Variants in C2CD3 observed in about 807,000 individuals in gnomAD.
C2CD3 encodes the protein C2 domain containing 3 centriole elongation regulator.
In C2CD3, 148 loss-of-function variants were observed where a neutral mutation model predicts 234.0. That is an observed-to-expected ratio of 0.63 (90% CI 0.55 to 0.72). C2CD3 has a LOEUF of 0.72. Among genes scored for constraint, C2CD3 ranks in the 30% least tolerant of loss-of-function variants. The pLI, the probability that C2CD3 is intolerant of heterozygous loss-of-function variation, is 0.00. For synonymous variants in C2CD3, 1,000 were observed against 1,035.4 expected (o/e 0.97, Z 0.66); for missense variants, 2,577 against 2,811.5 (o/e 0.92, Z 1.89).
intron 7 of C2CD3, 57 bp from the exon 8 acceptor site, chr11:74,123,192 T>C (rs1957279250): frequency 7.5e-7 from 1 of 1,329,950 alleles, no homozygotes; most frequent in Non-Finnish European, 1.1e-6. Context: ...AGCTGAACTA[T>C]TCTCTCTTTA....
chr11:74,161,271 G>A (rs1856444788), intron 3 of C2CD3, 128 bp downstream of exon 3: 3 of 511,776 alleles, frequency 5.9e-6, no homozygotes, highest in Non-Finnish European at 9.9e-6. Context: ...AAAAACATGG[G>A]CAAAGGCATG....
intron 3 of C2CD3, among the ~76,000 whole-genome samples, chr11:74,144,079 T>A (rs1156592479): frequency 6.6e-6 from 1 of 152,080 alleles, no homozygotes; most frequent in Non-Finnish European, 1.5e-5. Flanking sequence ...TACAGTAGAA[T>A]CAAAAGGAAA....
intron 1 of C2CD3, among the ~76,000 whole-genome samples, chr11:74,170,160 G>A (rs1416280133): frequency 6.6e-6 from 1 of 152,054 alleles, no homozygotes; most frequent in Non-Finnish European, 1.5e-5. Context: ...TCAGGAGATC[G>A]TCATGCCCTT....
Position 74,078,257 on chromosome 11 carries a change from C to G in C2CD3, c.4461G>C (p.Glu1487Asp). Residue 1487 changes from glutamate to aspartate, a missense_variant, in exon 23 of 33, where the codon GAG becomes GAC. Transcript: ENST00000334126. ...GCCACACTTGGATCTCTAGCCTCTC[C>G]TCCCTGAAGTACCAAAGCAGTGATG... ...RGPSLLWYFR[E>D]ERLEIQVWRA... The G allele has an allele frequency of 1.9e-6, 3 of 1,614,152 alleles. No homozygotes were observed. The highest frequency in any genetic ancestry group is 2.5e-6 in the Non-Finnish European group (3 of 1,180,022).
chr11:74,037,758 C>T (rs1317346161), intron 29 of C2CD3, 60 bp from the exon 30 acceptor site: 4 of 1,294,652 alleles, frequency 3.1e-6, no homozygotes, highest in Non-Finnish European at 4.4e-6. Context: ...ATGAACATCT[C>T]TTATGTCCCC....
intron 8 of C2CD3, among the ~76,000 whole-genome samples, chr11:74,119,837 T>C (rs1244760613): frequency 1.3e-5 from 2 of 152,094 alleles, no homozygotes; most frequent in Non-Finnish European, 2.9e-5. Context: ...GGTTTCACCA[T>C]GTTGTCCAGG....
chr11:74,168,333 C>T lies in C2CD3; in HGVS notation c.325+11G>A. The stretch of plus-strand genomic sequence containing the variant: ...TACGTCTGCAGGTGCAATGATAAAA[C>T]AATAACATACCTGTTAGATAAGAGG... On this transcript the variant is annotated intron_variant, in intron 2 of 32. Transcript: ENST00000334126. The T allele has an allele frequency of 6.2e-7, 1 of 1,608,926 alleles. No homozygotes were observed. Among genetic ancestry groups the T allele is most frequent in the African/African-American group, 1.3e-5 (1 of 74,950 alleles).
At position 74,133,555 on chromosome 11, in the gene C2CD3, G is replaced by C. The variant is rs142633338; in HGVS notation, c.958C>G (p.Leu320Val). 2.0e-4 allele frequency: 317 copies of C among 1,613,948 alleles called. 2 individuals carry two copies. In the African/African-American group the frequency reaches 4.0e-3, roughly 20 times the overall value. ...NLPTKDLLSA[L>V]LEQGNKLRNA... ...CGCAGTTTATTGCCTTGTTCTAACA[G>C]AGCTGAAGAGGGTAAATGCAGAAAA... The change falls in exon 6 of 33, where the codon CTG (leucine) becomes GTG (valine). Residue 320 changes from leucine to valine, a missense_variant and splice_region_variant. Transcript: ENST00000334126.
Position 74,037,596 on chromosome 11 carries a change from C to T in C2CD3, c.5763G>A (p.Gln1921=), listed in dbSNP as rs1952804297. The T allele has an allele frequency of 6.2e-7, 1 of 1,614,112 alleles. No individual in the cohort carries two copies. The highest frequency in any genetic ancestry group is 8.5e-7 in the Non-Finnish European group (1 of 1,180,012). The stretch of plus-strand genomic sequence containing the variant: ...GATGGTCCCTACAGCTCTCCTGGTG[C>T]TGTGAGATGGCCGTTTGAGTCTGAG... ...LSPQTQTAIS[Q]HQESCRDHLG... is the part of the protein sequence containing the mutation. The change falls in exon 30 of 33, where the codon CAG becomes CAA. Residue 1921 remains glutamine, a synonymous_variant. Coordinates refer to ENST00000334126, the MANE Select transcript of C2CD3 (RefSeq NM_001286577.2).
chr11:74,090,738 T>C (rs979673437), intron 20 of C2CD3, 75 bp downstream of exon 20: 21 of 1,535,990 alleles, frequency 1.4e-5, no homozygotes, highest in East Asian at 2.3e-5. Context: ...TAAGAAAGTT[T>C]TGCATATCTG....
chr11:74,054,957 G>T (rs1428670240), intron 25 of C2CD3, among the ~76,000 whole-genome samples: 1 of 152,148 alleles, frequency 6.6e-6, no homozygotes, highest in African/African-American at 2.4e-5. Flanking sequence ...GTATGGAAAA[G>T]AAGTTCCTCA....
chr11:74,141,614 A>T (rs1958050690), intron 3 of C2CD3, among the ~76,000 whole-genome samples: 1 of 152,162 alleles, frequency 6.6e-6, no homozygotes, highest in East Asian at 1.9e-4. Context: ...CCCATCTTAC[A>T]ATCAAAACAC....
At chr11:74,126,068 G>C (rs1461783846) in intron 7 of C2CD3, among the ~76,000 whole-genome samples, 2 of 152,158 alleles carry the variant, frequency 1.3e-5, no homozygotes, top group Admixed American at 1.3e-4. Context: ...CTGAGGAATA[G>C]TGCAAGACAG....
At chr11:74,070,729 T>A (rs929787641) in intron 24 of C2CD3, 4 of 152,206 alleles carry the variant, frequency 2.6e-5, no homozygotes, top group Non-Finnish European at 5.9e-5. Context: ...GTGTCAGTCA[T>A]GTAGCATACA....
intron 3 of C2CD3, among the ~76,000 whole-genome samples, chr11:74,144,579 T>C (rs1855041917): frequency 6.6e-6 from 1 of 152,172 alleles, no homozygotes; most frequent in South Asian, 2.1e-4. Context: ...GACAGGTTTT[T>C]TGTTCTGAAC....
chr11:74,106,739 C>G (rs1480995354), intron 12 of C2CD3, among the ~76,000 whole-genome samples: 2 of 152,128 alleles, frequency 1.3e-5, no homozygotes, highest in Admixed American at 1.3e-4. Context: ...TTATCTTTTT[C>G]TATCACTAAG....
At chr11:74,027,613 T>C (rs1422282325) in intron 32 of C2CD3, among the ~76,000 whole-genome samples, 2 of 152,204 alleles carry the variant, frequency 1.3e-5, no homozygotes, top group Non-Finnish European at 2.9e-5. Flanking sequence ...AAATATTTTA[T>C]TTTTTGCTCA....
intron 28 of C2CD3, among the ~76,000 whole-genome samples, chr11:74,043,757 GAAAT>G (rs1488952140): frequency 4.4e-4 from 67 of 151,912 alleles, no homozygotes; most frequent in African/African-American, 1.6e-3. Context: ...TTTTTTTGAA[GAAAT>G]GTCTATTCAG....
chr11:74,013,891 T>C (rs1264747268), intron 32 of C2CD3, among the ~76,000 whole-genome samples: 4 of 152,222 alleles, frequency 2.6e-5, no homozygotes. Flanking sequence ...TGCATGGCTT[T>C]AGACAAGTCA....
Sources: allele counts gnomAD v4.1 joint callset (sites outside exome capture counted in the v4.1 genomes callset), GRCh38; gene constraint gnomAD v4.1.1; transcripts MANE v1.5; gene names NCBI Gene and HGNC (gene_info 2026-07-23, HGNC 2026-07-21).